SPMAP2L: variants seen among roughly 807,000 people sequenced by gnomAD.
SPMAP2L encodes sperm microtubule associated protein 2 like.
At chr4:56,606,117 C>T in the SPMAP2L span, among the ~76,000 whole-genome samples, 1 of 152,276 alleles carries the variant, frequency 6.6e-6, no homozygotes, top group South Asian at 2.1e-4. Context: ...ATAAAGGACT[C>T]TTAATTCGTC....
chr4:56,615,484 C>T, the SPMAP2L span, among the ~76,000 whole-genome samples: 5 of 152,140 alleles, frequency 3.3e-5, no homozygotes, highest in South Asian at 6.2e-4. Context: ...CAGTGGGACA[C>T]GCCTGTAATC....
chr4:56,536,654 G>A, the SPMAP2L span, among the ~76,000 whole-genome samples: 1 of 152,170 alleles, frequency 6.6e-6, no homozygotes, highest in African/African-American at 2.4e-5. Context: ...CGTTAGCATT[G>A]TCAAAAAGAT....
At chr4:56,593,878 T>G in the SPMAP2L span, 38 of 1,611,100 alleles carry the variant, frequency 2.4e-5, no homozygotes, top group Non-Finnish European at 3.2e-5. Flanking sequence ...TGGAGCATAT[T>G]GCTAGGAGAG....
the SPMAP2L span, chr4:56,593,869 G>A: frequency 6.2e-7 from 1 of 1,611,268 alleles, no homozygotes; most frequent in South Asian, 1.1e-5. Context: ...CCCATGGGCT[G>A]GAGCATATTG....
chr4:56,615,811 A>C, the SPMAP2L span, among the ~76,000 whole-genome samples: 1 of 152,162 alleles, frequency 6.6e-6, no homozygotes, highest in Admixed American at 6.5e-5. Flanking sequence ...GTCCACCCTT[A>C]CAACCCCTGA....
At chr4:56,601,403 G>A in the SPMAP2L span, among the ~76,000 whole-genome samples, 2 of 152,134 alleles carry the variant, frequency 1.3e-5, no homozygotes, top group Non-Finnish European at 2.9e-5. Flanking sequence ...AGGATAGCTT[G>A]AGGCTAGGAG....
chr4:56,614,915 A>G, the SPMAP2L span, among the ~76,000 whole-genome samples: 1 of 152,198 alleles, frequency 6.6e-6, no homozygotes, highest in Non-Finnish European at 1.5e-5. Context: ...GTACCTTATT[A>G]ATCCTTATCA....
At chr4:56,575,132 C>A in the SPMAP2L span, among the ~76,000 whole-genome samples, 1 of 151,924 alleles carries the variant, frequency 6.6e-6, no homozygotes, top group African/African-American at 2.4e-5. Context: ...ACCTGTAGTA[C>A]CAGCTACTCG....
the SPMAP2L span, among the ~76,000 whole-genome samples, chr4:56,600,127 T>C: frequency 2.0e-5 from 2 of 98,100 alleles, no homozygotes; most frequent in Admixed American, 1.0e-4. Context: ...TTTTTTTTTG[T>C]AGAGATGAGG....
At chr4:56,595,315 G>A in the SPMAP2L span, 6 of 1,612,032 alleles carry the variant, frequency 3.7e-6, no homozygotes, top group South Asian at 5.5e-5. Context: ...GAGACTCCAG[G>A]ATTATGGATT....
chr4:56,611,486 C>T, the SPMAP2L span, among the ~76,000 whole-genome samples: 6 of 152,086 alleles, frequency 3.9e-5, no homozygotes, highest in Admixed American at 3.3e-4. Flanking sequence ...GTATACTGCT[C>T]GGGAGATGGG....
chr4:56,530,809 G>C, the SPMAP2L span: 1 of 1,535,366 alleles, frequency 6.5e-7, no homozygotes, highest in African/African-American at 1.4e-5. Flanking sequence ...CACTCACAGA[G>C]AGCTTGAGGA....
At chr4:56,532,626 A>G in the SPMAP2L span, among the ~76,000 whole-genome samples, 1 of 152,146 alleles carries the variant, frequency 6.6e-6, no homozygotes, top group Non-Finnish European at 1.5e-5. Flanking sequence ...ACTTGTCAAA[A>G]GAGTTGTCTA....
chr4:56,531,027 AC>A, the SPMAP2L span: 5 of 1,534,754 alleles, frequency 3.3e-6, no homozygotes, highest in Non-Finnish European at 4.4e-6. Flanking sequence ...AGGCCCGTGA[AC>A]CCCGCCAGCT....
the SPMAP2L span, among the ~76,000 whole-genome samples, chr4:56,618,168 C>T: frequency 6.6e-6 from 1 of 152,170 alleles, no homozygotes; most frequent in African/African-American, 2.4e-5. Flanking sequence ...CCTCCTCTAC[C>T]CAGCATTTCC....
the SPMAP2L span, among the ~76,000 whole-genome samples, chr4:56,550,313 C>T: frequency 1.3e-5 from 2 of 151,952 alleles, no homozygotes; most frequent in African/African-American, 2.4e-5. Context: ...CTAGATTTTT[C>T]CCCCTTCCTT....
chr4:56,559,366 C>A, the SPMAP2L span: 2 of 1,402,678 alleles, frequency 1.4e-6, no homozygotes, highest in Non-Finnish European at 1.9e-6. Flanking sequence ...TTTTTTTTAC[C>A]ATTTTATCTG....
chr4:56,587,390 A>G, the SPMAP2L span, among the ~76,000 whole-genome samples: 39,837 of 151,738 alleles, frequency 0.26, 6,749 homozygotes, highest in East Asian at 0.49. Context: ...TTCAGTGGTG[A>G]TTTGTGAGAT....
the SPMAP2L span, among the ~76,000 whole-genome samples, chr4:56,576,869 C>T: frequency 6.8e-3 from 1,041 of 152,258 alleles, 14 homozygotes; most frequent in African/African-American, 0.024. Flanking sequence ...ATAAAATGCC[C>T]TTTAGTTAAA....
Sources: gnomAD v4.1 joint callset for allele counts (sites outside exome capture counted in the v4.1 genomes callset) on GRCh38, gnomAD v4.1.1 for gene constraint, MANE v1.5 for transcripts, NCBI Gene and HGNC (gene_info 2026-07-23, HGNC 2026-07-21) for gene names.